SUGCT: variants seen among roughly 807,000 people sequenced by gnomAD.
SUGCT encodes the protein succinyl-CoA:glutarate-CoA transferase.
Under a neutral mutation model 55.0 loss-of-function variants are expected in SUGCT, and 41 were observed. The ratio of observed to expected loss-of-function variants is 0.74; its 90% CI spans 0.58 to 0.97. The LOEUF (loss-of-function observed/expected upper bound fraction) is 0.97. Among genes scored for constraint, SUGCT ranks in the 50% least tolerant of loss-of-function variants. The pLI is 0.00. For synonymous variants in SUGCT, 187 were observed against 200.4 expected (o/e 0.93, Z 0.56); for missense variants, 568 against 547.8 (o/e 1.04, Z -0.37).
the SUGCT span, among the ~76,000 whole-genome samples, chr7:40,985,022 T>G: frequency 6.6e-6 from 1 of 152,192 alleles, no homozygotes; most frequent in Non-Finnish European, 1.5e-5. Context: ...AAAGTGTATG[T>G]GTTCACCATT....
intron 9 of SUGCT, among the ~76,000 whole-genome samples, chr7:40,403,371 A>T (rs970834272): frequency 6.6e-6 from 1 of 152,198 alleles, no homozygotes; most frequent in Non-Finnish European, 1.5e-5. Context: ...GTAGTATTTT[A>T]TCCAAAACAC....
intron 13 of SUGCT, among the ~76,000 whole-genome samples, chr7:40,857,672 T>C (rs1794257290): frequency 6.6e-6 from 1 of 152,106 alleles, no homozygotes; most frequent in African/African-American, 2.4e-5. Context: ...TCCAGGCGCT[T>C]AGTACTGATA....
the SUGCT span, among the ~76,000 whole-genome samples, chr7:40,884,962 C>T: frequency 6.6e-6 from 1 of 152,104 alleles, no homozygotes; most frequent in Non-Finnish European, 1.5e-5. Flanking sequence ...TAGAAGTATG[C>T]CTTGGTCAGC....
At chr7:40,874,065 A>G in the SUGCT span, among the ~76,000 whole-genome samples, 1 of 152,256 alleles carries the variant, frequency 6.6e-6, no homozygotes, top group Non-Finnish European at 1.5e-5. Flanking sequence ...AGAAATCTTA[A>G]GTAAACAAAT....
At chr7:40,661,402 G>T (rs1185277287) in intron 12 of SUGCT, among the ~76,000 whole-genome samples, 2 of 151,904 alleles carry the variant, frequency 1.3e-5, no homozygotes, top group Non-Finnish European at 2.9e-5. Context: ...TTTCCTCTCT[G>T]CCAGATCATC....
intron 6 of SUGCT, among the ~76,000 whole-genome samples, chr7:40,235,932 C>A (rs1358079807): frequency 6.6e-6 from 1 of 152,140 alleles, no homozygotes; most frequent in Non-Finnish European, 1.5e-5. Context: ...CCTAAAGCAG[C>A]ATATGCAGGG....
At chr7:40,359,432 T>A (rs1798042390) in intron 9 of SUGCT, among the ~76,000 whole-genome samples, 1 of 152,182 alleles carries the variant, frequency 6.6e-6, no homozygotes, top group South Asian at 2.1e-4. Context: ...CTCAAACTCC[T>A]GACCTCAGGT....
chr7:40,685,569 T>A (rs769881437), intron 12 of SUGCT, among the ~76,000 whole-genome samples: 2 of 152,228 alleles, frequency 1.3e-5, no homozygotes, highest in Non-Finnish European at 2.9e-5. Flanking sequence ...CCTTCAGAGT[T>A]GCTGTTGCAT....
At chr7:40,837,563 G>A (rs796132454) in intron 13 of SUGCT, among the ~76,000 whole-genome samples, 7 of 152,134 alleles carry the variant, frequency 4.6e-5, no homozygotes, top group African/African-American at 1.4e-4. Flanking sequence ...TTTTAATTCT[G>A]TGACCATTTT....
At chr7:40,261,284 A>G (rs1485020281) in intron 7 of SUGCT, among the ~76,000 whole-genome samples, 1 of 152,196 alleles carries the variant, frequency 6.6e-6, no homozygotes, top group Non-Finnish European at 1.5e-5. Flanking sequence ...TACCTAATGA[A>G]GAGCTCTTTG....
the SUGCT span, among the ~76,000 whole-genome samples, chr7:40,890,252 TATATTTATATTATATAATATAAATTAA>T: frequency 3.7e-4 from 52 of 140,886 alleles, no homozygotes; most frequent in African/African-American, 9.6e-4. Flanking sequence ...ATTTATATTA[TATATTTATATTATATAATATAAATTAA>T]ATATTTATAT....
chr7:41,028,826 A>T, the SUGCT span, among the ~76,000 whole-genome samples: 1 of 152,150 alleles, frequency 6.6e-6, no homozygotes, highest in African/African-American at 2.4e-5. Flanking sequence ...ACTATAGTGC[A>T]TGCTATTTCA....
At chr7:40,625,380 T>C (rs1485033457) in intron 12 of SUGCT, among the ~76,000 whole-genome samples, 2 of 152,146 alleles carry the variant, frequency 1.3e-5, no homozygotes, top group Non-Finnish European at 2.9e-5. Context: ...TCAGGATCCA[T>C]GTTCTTAAAA....
chr7:40,300,985 A>T (rs1370443021), intron 8 of SUGCT, among the ~76,000 whole-genome samples: 2 of 152,240 alleles, frequency 1.3e-5, no homozygotes, highest in Admixed American at 1.3e-4. Context: ...AGAGGCAAGG[A>T]GGTGTGAAAA....
intron 5 of SUGCT, among the ~76,000 whole-genome samples, chr7:40,191,271 C>A (rs1785890249): frequency 6.6e-6 from 1 of 152,118 alleles, no homozygotes; most frequent in South Asian, 2.1e-4. Context: ...CCCGCCTCGG[C>A]CTCTCAAAGT....
At chr7:40,647,550 C>T (rs535619218) in intron 12 of SUGCT, among the ~76,000 whole-genome samples, 4 of 152,086 alleles carry the variant, frequency 2.6e-5, no homozygotes, top group Non-Finnish European at 5.9e-5. Flanking sequence ...CAGTGAGACA[C>T]GTAGAAGTTA....
At chr7:40,350,369 G>T (rs983781869) in intron 9 of SUGCT, among the ~76,000 whole-genome samples, 1 of 150,312 alleles carries the variant, frequency 6.7e-6, no homozygotes, top group Admixed American at 6.6e-5. Flanking sequence ...GCAGGAGTGC[G>T]GTGGCACGAT....
intron 12 of SUGCT, among the ~76,000 whole-genome samples, chr7:40,645,417 A>G (rs932957374): frequency 3.3e-5 from 5 of 152,174 alleles, no homozygotes; most frequent in Non-Finnish European, 5.9e-5. Flanking sequence ...TGGACATGAA[A>G]TAAACATATC....
chr7:40,401,365 A>G (rs879473198), intron 9 of SUGCT, among the ~76,000 whole-genome samples: 2 of 152,188 alleles, frequency 1.3e-5, no homozygotes, highest in African/African-American at 2.4e-5. Context: ...TCTTGAAATG[A>G]TTCAGAGAAG....
Sources: gnomAD v4.1 joint callset for allele counts (sites outside exome capture counted in the v4.1 genomes callset) on GRCh38, gnomAD v4.1.1 for gene constraint, MANE v1.5 for transcripts, NCBI Gene and HGNC (gene_info 2026-07-23, HGNC 2026-07-21) for gene names.